Variants in CNTNAP2 observed in about 807,000 individuals in gnomAD.
CNTNAP2 encodes the protein contactin associated protein 2.
In CNTNAP2, 98 loss-of-function variants were observed where a neutral mutation model predicts 155.2. That is an observed-to-expected ratio of 0.63 (90% CI 0.54 to 0.75). The LOEUF is 0.75. CNTNAP2 is among the 30% of genes least tolerant of loss of function. The probability of loss-of-function intolerance (pLI) is 0.00; values close to 1 mark genes in which losing one functional copy is unlikely to be tolerated. For missense variants in CNTNAP2, 1,727 were observed against 1,688.1 expected, an observed-to-expected ratio of 1.02 and a Z score of -0.40; for synonymous variants, 651 against 631.2, an observed-to-expected ratio of 1.03 and a Z score of -0.47.
chr7:146,780,380 AG>A (rs1443505801), intron 2 of CNTNAP2, among the ~76,000 whole-genome samples: 1 of 151,802 alleles, frequency 6.6e-6, no homozygotes, highest in Non-Finnish European at 1.5e-5. Flanking sequence ...TAGTGGAGAC[AG>A]GGTTTCACCA....
intron 1 of CNTNAP2, among the ~76,000 whole-genome samples, chr7:146,410,779 C>A (rs969254367): frequency 6.6e-6 from 1 of 152,262 alleles, no homozygotes; most frequent in Non-Finnish European, 1.5e-5. Context: ...TCCCTCCACT[C>A]CCCAGCTCCA....
intron 13 of CNTNAP2, among the ~76,000 whole-genome samples, chr7:147,641,133 C>CG (rs1400233898): frequency 6.6e-6 from 1 of 152,004 alleles, no homozygotes; most frequent in Non-Finnish European, 1.5e-5. Context: ...GCTCTAAGAG[C>CG]GGGGGCTTTC....
Position 146,385,156 on chromosome 7 carries a change from A to G in CNTNAP2, c.97+268183A>G, listed in dbSNP as rs140327868. 7.6e-3 allele frequency among the ~76,000 whole-genome samples: 1,151 copies of G among 152,028 alleles called. 16 individuals carry two copies. Among genetic ancestry groups the G allele is most frequent in the African/African-American group, 0.026 (1,097 of 41,482 alleles). ...ATCACCATATTCCATTTTTTTTTCT[A>G]CCACTAGGTTTCCTTCCAGCTCTAA... On this transcript the variant is annotated intron_variant, in intron 1 of 23. Transcript: ENST00000361727.
chr7:147,127,454 G>A (rs1801263997), intron 6 of CNTNAP2, among the ~76,000 whole-genome samples: 3 of 151,478 alleles, frequency 2.0e-5, no homozygotes, highest in Admixed American at 2.0e-4. Flanking sequence ...CATTTAAGAT[G>A]CCATAACACT....
At chr7:146,537,481 A>G (rs985055107) in intron 1 of CNTNAP2, among the ~76,000 whole-genome samples, 2 of 152,114 alleles carry the variant, frequency 1.3e-5, no homozygotes, top group African/African-American at 2.4e-5. Context: ...AGAGCCTGTC[A>G]TCATGCGAGT....
At chr7:148,051,585 G>C (rs886477453) in intron 15 of CNTNAP2, among the ~76,000 whole-genome samples, 2 of 152,164 alleles carry the variant, frequency 1.3e-5, no homozygotes, top group Admixed American at 1.3e-4. Flanking sequence ...ATAAGAAGTA[G>C]TGCATACTGA....
At chr7:147,091,591 A>G (rs1329780909) in intron 4 of CNTNAP2, among the ~76,000 whole-genome samples, 1 of 149,378 alleles carries the variant, frequency 6.7e-6, no homozygotes, top group East Asian at 2.0e-4. Context: ...AGCTGGGACT[A>G]CAGGTGCGCA....
At chr7:146,408,062 A>G (rs1394301314) in intron 1 of CNTNAP2, among the ~76,000 whole-genome samples, 1 of 152,154 alleles carries the variant, frequency 6.6e-6, no homozygotes. Flanking sequence ...GTTTTGGGAG[A>G]GTCAAAAGTT....
chr7:147,120,846 T>C (rs1398459860), intron 5 of CNTNAP2, 133 bp from the exon 6 acceptor site: 2 of 812,844 alleles, frequency 2.5e-6, no homozygotes, highest in Non-Finnish European at 4.1e-6. Context: ...CTTACTGGTA[T>C]CCCAGGTTAA....
intron 17 of CNTNAP2, among the ~76,000 whole-genome samples, chr7:148,151,258 G>T (rs1257242184): frequency 6.6e-6 from 1 of 152,074 alleles, no homozygotes; most frequent in Non-Finnish European, 1.5e-5. Flanking sequence ...GCACTCAGGA[G>T]AGTGCCTCGC....
At chr7:147,257,210 C>A (rs1242465292) in intron 8 of CNTNAP2, among the ~76,000 whole-genome samples, 3 of 152,162 alleles carry the variant, frequency 2.0e-5, no homozygotes, top group African/African-American at 7.2e-5. Flanking sequence ...TGAGCTAGGG[C>A]AATGCCCATC....
rs963262562 is a variant in CNTNAP2, at chr7:147,990,023, C to G, written c.2383+12034C>G. 2.0e-5 allele frequency among the ~76,000 whole-genome samples: 3 copies of G among 150,252 alleles called. No individual in the cohort carries two copies. In the South Asian group the frequency reaches 6.3e-4, roughly 32 times the overall value. ...ACCAGCTGCAAACTTGGGTGGCTCT[C>G]AAGCCACTCACATTTCTGACCAACT... is the stretch of plus-strand genomic sequence containing the variant. On this transcript the variant is annotated intron_variant, in intron 15 of 23. Coordinates refer to ENST00000361727, the MANE Select transcript of CNTNAP2 (RefSeq NM_014141.6).
At chr7:146,908,721 CT>C (rs1228849423) in intron 3 of CNTNAP2, among the ~76,000 whole-genome samples, 2 of 137,520 alleles carry the variant, frequency 1.5e-5, no homozygotes, top group African/African-American at 5.5e-5. Context: ...AATTGACACC[CT>C]AACATCACAG....
chr7:148,318,156 G>C (rs117950219), intron 21 of CNTNAP2, among the ~76,000 whole-genome samples: 3,250 of 152,236 alleles, frequency 0.021, 35 homozygotes, highest in Middle Eastern at 0.048. Flanking sequence ...GCCTCTGATA[G>C]AGCCTAGATC....
chr7:148,011,016 ATAAAT>A (rs1802071112), intron 15 of CNTNAP2, among the ~76,000 whole-genome samples: 1 of 152,190 alleles, frequency 6.6e-6, no homozygotes, highest in South Asian at 2.1e-4. Context: ...GTATCTTTTA[ATAAAT>A]TACTTTTTCT....
intron 3 of CNTNAP2, among the ~76,000 whole-genome samples, chr7:146,953,763 T>C (rs1797372324): frequency 1.3e-5 from 2 of 151,898 alleles, no homozygotes; most frequent in African/African-American, 4.8e-5. Flanking sequence ...TGCCGACTGA[T>C]TGAACAATTC....
At chr7:146,573,609 A>G (rs1249032757) in intron 1 of CNTNAP2, among the ~76,000 whole-genome samples, 2 of 152,176 alleles carry the variant, frequency 1.3e-5, no homozygotes, top group Non-Finnish European at 2.9e-5. Flanking sequence ...GCTGTCCTAC[A>G]TTTGATTGGA....
chr7:147,176,770 G>T (rs1159973873), intron 8 of CNTNAP2, among the ~76,000 whole-genome samples: 14 of 99,386 alleles, frequency 1.4e-4, no homozygotes, highest in Admixed American at 1.1e-3. Context: ...TAATTATATA[G>T]AATTATATAT....
At chr7:146,480,785 CCA>C (rs1423879010) in intron 1 of CNTNAP2, among the ~76,000 whole-genome samples, 4 of 150,488 alleles carry the variant, frequency 2.7e-5, no homozygotes, top group Non-Finnish European at 5.9e-5. Flanking sequence ...CGGGTTCACG[CCA>C]TTCTCCTGCC....
Sources: allele counts gnomAD v4.1 joint callset (sites outside exome capture counted in the v4.1 genomes callset), GRCh38; gene constraint gnomAD v4.1.1; transcripts MANE v1.5; gene names NCBI Gene and HGNC (gene_info 2026-07-23, HGNC 2026-07-21).